Variants in GFOD1 observed in about 807,000 individuals in gnomAD.
The protein encoded by GFOD1 is Gfo/Idh/MocA-like oxidoreductase domain containing 1, also known as glucose-fructose oxidoreductase domain-containing protein 1.
In GFOD1, 9 loss-of-function variants were observed where a neutral mutation model predicts 25.4. That is an observed-to-expected ratio of 0.35 (90% CI 0.21 to 0.62). GFOD1 has a LOEUF of 0.62. Ranked by LOEUF, GFOD1 falls within the 20% of genes least tolerant of loss-of-function variation. The probability of loss-of-function intolerance (pLI) is 0.72; values close to 1 mark genes in which losing one functional copy is unlikely to be tolerated. For missense variants in GFOD1, 403 were observed against 556.9 expected, an observed-to-expected ratio of 0.72 and a Z score of 2.78; for synonymous variants, 253 against 245.6, an observed-to-expected ratio of 1.03 and a Z score of -0.28.
intron 1 of GFOD1, among the ~76,000 whole-genome samples, chr6:13,450,925 G>A (rs370303052): frequency 1.3e-5 from 2 of 152,196 alleles, no homozygotes; most frequent in East Asian, 1.9e-4. Flanking sequence ...GGGCCTGCAC[G>A]ATGAATAAAT....
At chr6:13,452,010 CT>C (rs1365779080) in intron 1 of GFOD1, among the ~76,000 whole-genome samples, 1 of 152,168 alleles carries the variant, frequency 6.6e-6, no homozygotes, top group African/African-American at 2.4e-5. Context: ...CGGGTAGTAG[CT>C]GTTTTCTATC....
At chr6:13,404,390 T>C (rs1486458298) in intron 1 of GFOD1, among the ~76,000 whole-genome samples, 1 of 152,230 alleles carries the variant, frequency 6.6e-6, no homozygotes, top group African/African-American at 2.4e-5. Flanking sequence ...CATGAACTTC[T>C]TTTAAGGATC....
At chr6:13,390,801 A>AAGGG in intron 1 of GFOD1, among the ~76,000 whole-genome samples, 1 of 150,832 alleles carries the variant, frequency 6.6e-6, no homozygotes, top group Admixed American at 6.6e-5. Flanking sequence ...GGAAGGAAGG[A>AAGGG]AGGAAGGAAG....
chr6:13,469,954 T>C (rs1229395712), intron 1 of GFOD1: 17 of 1,306,316 alleles, frequency 1.3e-5, no homozygotes, highest in Non-Finnish European at 1.6e-5. Context: ...ATGAGTAGGT[T>C]CTGGATAGAT....
intron 1 of GFOD1, among the ~76,000 whole-genome samples, chr6:13,386,425 C>T (rs114420138): frequency 5.9e-5 from 9 of 152,210 alleles, no homozygotes; most frequent in African/African-American, 9.6e-5. Context: ...AGGAATCTCG[C>T]GTACTTCGGA....
intron 1 of GFOD1, among the ~76,000 whole-genome samples, chr6:13,419,127 T>A (rs1004612650): frequency 6.6e-6 from 1 of 152,192 alleles, no homozygotes; most frequent in Non-Finnish European, 1.5e-5. Context: ...CAGGTTGCCA[T>A]ATTGGACTTC....
At chr6:13,458,142 G>A (rs1258162843) in intron 1 of GFOD1, among the ~76,000 whole-genome samples, 1 of 152,012 alleles carries the variant, frequency 6.6e-6, no homozygotes, top group Non-Finnish European at 1.5e-5. Flanking sequence ...GTTTGAGATG[G>A]AGTCTAGCTC....
At chr6:13,386,296 T>G (rs1344820623) in intron 1 of GFOD1, among the ~76,000 whole-genome samples, 11 of 152,206 alleles carry the variant, frequency 7.2e-5, no homozygotes. Flanking sequence ...AGGAGCCTCC[T>G]ATCCGTCAGG....
intron 1 of GFOD1, among the ~76,000 whole-genome samples, chr6:13,438,150 A>G (rs1209652176): frequency 1.3e-5 from 2 of 152,240 alleles, no homozygotes; most frequent in Non-Finnish European, 2.9e-5. Context: ...AAGGGCATAC[A>G]CTAATTTGAG....
At chr6:13,391,221 A>G (rs1452736936) in intron 1 of GFOD1, among the ~76,000 whole-genome samples, 1 of 151,914 alleles carries the variant, frequency 6.6e-6, no homozygotes, top group Non-Finnish European at 1.5e-5. Flanking sequence ...AATTCCAGTA[A>G]CCGTGGCTGG....
At position 13,365,878 on chromosome 6, in the gene GFOD1, CAAT is replaced by C. The variant is rs58256557; in HGVS notation, c.254-219_254-217del. Among the ~76,000 whole-genome samples, 27,660 of 133,672 alleles carry C rather than the reference CAAT, an allele frequency of 0.21. 2,844 individuals are homozygous for C. The highest frequency in any genetic ancestry group is 0.23 in the African/African-American group (8,372 of 36,018). 87.7% of individuals were successfully genotyped at this position (133,672 alleles called of 152,430 possible). On this transcript the variant is annotated intron_variant, in intron 1 of 1. Transcript: ENST00000379287. The surrounding 1 kb of genome is among the most constrained non-coding windows in gnomAD (Gnocchi z 9.2). Reference sequence around the variant, plus strand: ...TGGGTAACACAGAGAGATCCTGTCTCAATAATAATAATAATAATAATAATAATA... The same window carrying C: ...TGGGTAACACAGAGAGATCCTGTCTCAATAATAATAATAATAATAATAATA...
intron 1 of GFOD1, among the ~76,000 whole-genome samples, chr6:13,399,836 A>T (rs1355812444): frequency 6.6e-6 from 1 of 152,264 alleles, no homozygotes; most frequent in East Asian, 1.9e-4. Context: ...ACAGGTATAT[A>T]CATTTACCAA....
chr6:13,370,411 A>T lies in GFOD1; in HGVS notation c.254-4749T>A, dbSNP rs186560628. 2.7e-4 allele frequency among the ~76,000 whole-genome samples: 41 copies of T among 152,330 alleles called. 1 individual carries two copies. The East Asian group carries it at 3.5e-3, about 13-fold the overall frequency. Reference sequence around the variant, plus strand: ...TAAATTCTTAAAGGCTTTGGGACATATTGTTAAAAATAAGATAATCCTTCC... The same window carrying T: ...TAAATTCTTAAAGGCTTTGGGACATTTTGTTAAAAATAAGATAATCCTTCC... On this transcript the variant is annotated intron_variant, in intron 1 of 1. Coordinates refer to ENST00000379287, the MANE Select transcript of GFOD1 (RefSeq NM_018988.4).
chr6:13,452,023 C>T (rs888374701), intron 1 of GFOD1, among the ~76,000 whole-genome samples: 5 of 152,060 alleles, frequency 3.3e-5, no homozygotes, highest in African/African-American at 4.8e-5. Flanking sequence ...TTTTCTATCA[C>T]GTGGACTGGG....
chr6:13,375,564 C>A (rs1464137563), intron 1 of GFOD1, among the ~76,000 whole-genome samples: 1 of 152,188 alleles, frequency 6.6e-6, no homozygotes, highest in African/African-American at 2.4e-5. Context: ...GCTCCTGGGG[C>A]TATCAGTGGG....
intron 1 of GFOD1, among the ~76,000 whole-genome samples, chr6:13,435,018 A>G (rs573075341): frequency 1.3e-5 from 2 of 152,184 alleles, no homozygotes; most frequent in Non-Finnish European, 2.9e-5. Flanking sequence ...CCCTTTCTAG[A>G]GCTTTCTCTT....
intron 1 of GFOD1, among the ~76,000 whole-genome samples, chr6:13,369,925 T>C (rs1347564588): frequency 6.7e-6 from 1 of 149,796 alleles, no homozygotes; most frequent in Non-Finnish European, 1.5e-5. Context: ...TAGGAGTGGT[T>C]GGATTAGTAG....
At chr6:13,422,384 G>A (rs577975491) in intron 1 of GFOD1, among the ~76,000 whole-genome samples, 6 of 152,262 alleles carry the variant, frequency 3.9e-5, no homozygotes, top group Non-Finnish European at 8.8e-5. Flanking sequence ...CATCCACCCC[G>A]TGGAGGAAAC....
At chr6:13,454,036 T>C (rs915225542) in intron 1 of GFOD1, among the ~76,000 whole-genome samples, 1 of 152,098 alleles carries the variant, frequency 6.6e-6, no homozygotes, top group Non-Finnish European at 1.5e-5. Flanking sequence ...TTGGCCCTAA[T>C]CCAATATGAC....
Sources: gnomAD v4.1 joint callset for allele counts (sites outside exome capture counted in the v4.1 genomes callset) on GRCh38, gnomAD v4.1.1 for gene constraint, Gnocchi (gnomAD v3.1) non-coding constraint, MANE v1.5 for transcripts, NCBI Gene and HGNC (gene_info 2026-07-23, HGNC 2026-07-21) for gene names.